The following NCKAP1 variants were observed in gnomAD, a reference collection of about 807,000 sequenced individuals.
The protein encoded by NCKAP1 is nck-associated protein 1.
Under a neutral mutation model 151.2 loss-of-function variants are expected in NCKAP1, and 21 were observed. The ratio of observed to expected loss-of-function variants is 0.14; its 90% CI spans 0.10 to 0.20. The LOEUF (loss-of-function observed/expected upper bound fraction) is 0.20. NCKAP1 is among the 10% of genes least tolerant of loss of function. NCKAP1 has a pLI of 1.00. For synonymous variants in NCKAP1, 484 were observed against 451.8 expected (o/e 1.07, Z -0.90); for missense variants, 933 against 1,352.1 (o/e 0.69, Z 4.86).
At chr2:182,951,018 A>T (rs1213569296) in intron 23 of NCKAP1, among the ~76,000 whole-genome samples, 1 of 151,874 alleles carries the variant, frequency 6.6e-6, no homozygotes, top group African/African-American at 2.4e-5. Flanking sequence ...TTTTCAGTAG[A>T]GGGGGGATTT....
At chr2:183,007,937 T>C (rs74953433) in intron 2 of NCKAP1, among the ~76,000 whole-genome samples, 8,267 of 152,268 alleles carry the variant, frequency 0.054, 299 homozygotes, top group Non-Finnish European at 0.08. Context: ...TTGTTTTCTT[T>C]TTTTTTGAGA....
chr2:182,925,650 G>C lies in NCKAP1; in HGVS notation c.*52C>G, dbSNP rs543171066. Reference sequence around the variant, plus strand: ...AGGTAAAATAGTTCCACAGTCTACAGGTAAAACCAAGGCAACAAAAATGCG... The same window carrying C: ...AGGTAAAATAGTTCCACAGTCTACACGTAAAACCAAGGCAACAAAAATGCG... On this transcript the variant is annotated 3_prime_UTR_variant, in exon 31 of 31. Coordinates refer to ENST00000361354, the MANE Select transcript of NCKAP1 (RefSeq NM_013436.5). 7.4e-6 allele frequency: 8 copies of C among 1,085,678 alleles called. No homozygotes were observed. Among genetic ancestry groups the C allele is most frequent in the East Asian group, 2.6e-5 (1 of 37,944 alleles). The allele number at this position is 1,085,678 out of a possible 1,614,324, so 67.3% of individuals were successfully genotyped here.
At chr2:182,984,007 G>C (rs993283092) in intron 10 of NCKAP1, among the ~76,000 whole-genome samples, 1 of 151,338 alleles carries the variant, frequency 6.6e-6, no homozygotes, top group Non-Finnish European at 1.5e-5. Flanking sequence ...CTCCAGCCTG[G>C]GTGACAGAGC....
At chr2:182,927,388 TC>T (rs1696669764) in intron 29 of NCKAP1, 1 of 152,262 alleles carries the variant, frequency 6.6e-6, no homozygotes, top group African/African-American at 2.4e-5. Flanking sequence ...GAAGTTATTT[TC>T]TCCTCAAGTT....
At chr2:182,954,452 G>A (rs1051825029) in intron 20 of NCKAP1, among the ~76,000 whole-genome samples, 13 of 152,026 alleles carry the variant, frequency 8.6e-5, no homozygotes, top group African/African-American at 1.9e-4. Flanking sequence ...AAAGACAACC[G>A]ACAAATCCCA....
chr2:183,030,830 T>C (rs1233534733), intron 1 of NCKAP1, among the ~76,000 whole-genome samples: 5 of 152,300 alleles, frequency 3.3e-5, no homozygotes, highest in Non-Finnish European at 7.4e-5. Context: ...AAATTGTCCA[T>C]AAGTACTGGA....
intron 1 of NCKAP1, chr2:183,025,091 G>T: frequency 9.2e-7 from 1 of 1,084,344 alleles, no homozygotes; most frequent in South Asian, 1.4e-5. Context: ...ATGCACTGCA[G>T]ACTATGAATA....
At chr2:182,955,021 A>C (rs1697296275) in intron 20 of NCKAP1, among the ~76,000 whole-genome samples, 1 of 152,132 alleles carries the variant, frequency 6.6e-6, no homozygotes, top group East Asian at 1.9e-4. Context: ...AAACACCACA[A>C]GGCACAATGC....
intron 15 of NCKAP1, among the ~76,000 whole-genome samples, chr2:182,971,218 C>T (rs1014408791): frequency 1.3e-5 from 2 of 150,948 alleles, no homozygotes; most frequent in African/African-American, 4.9e-5. Context: ...AACGGTGAAA[C>T]CCCGTCTCTA....
intron 15 of NCKAP1, among the ~76,000 whole-genome samples, 197 bp downstream of exon 15, chr2:182,976,696 C>G (rs1177183926): frequency 6.6e-6 from 1 of 151,878 alleles, no homozygotes; most frequent in South Asian, 2.1e-4. Flanking sequence ...ATAATCTATT[C>G]AAAAACTCAT....
chr2:183,019,258 A>C (rs1422355180), intron 2 of NCKAP1, among the ~76,000 whole-genome samples: 1 of 152,216 alleles, frequency 6.6e-6, no homozygotes. Context: ...CAATAGGCTA[A>C]TTCCATAATA....
chr2:183,024,242 A>G (rs913368772), intron 1 of NCKAP1, among the ~76,000 whole-genome samples: 1 of 152,170 alleles, frequency 6.6e-6, no homozygotes, highest in Non-Finnish European at 1.5e-5. Context: ...AAGCTAATAA[A>G]ATATTACAAA....
intron 6 of NCKAP1, among the ~76,000 whole-genome samples, chr2:182,998,452 T>C (rs1016977111): frequency 6.6e-6 from 1 of 152,152 alleles, no homozygotes; most frequent in African/African-American, 2.4e-5. Flanking sequence ...TAAATGACTT[T>C]GGCAAAGTCT....
chr2:182,945,602 T>A (rs1209495364), intron 23 of NCKAP1, among the ~76,000 whole-genome samples: 1 of 152,218 alleles, frequency 6.6e-6, no homozygotes, highest in Non-Finnish European at 1.5e-5. Context: ...AAAAAATTAA[T>A]GTTCATATTC....
chr2:182,928,132 A>G lies in NCKAP1; in HGVS notation c.3165T>C (p.Leu1055=), dbSNP rs180899170. The G allele has an allele frequency of 2.7e-4, 438 of 1,605,938 alleles. 5 individuals are homozygous for G. The East Asian group carries it at 8.6e-3, about 32-fold the overall frequency. The change falls in exon 29 of 31, where the codon CTT becomes CTC. Residue 1055 remains leucine (L), a synonymous_variant. Transcript: ENST00000361354. ...TIHKGSIEDR[L]KEFLALASSS... is the part of the protein sequence containing the mutation. The stretch of plus-strand genomic sequence containing the variant: ...TTATACATACCGCCAGAAATTCTTT[A>G]AGACGGTCTTCAATGCTTCCTTTGT...
rs1696619219 is a variant in NCKAP1 at position 182,925,279 on chromosome 2, C to A, written c.*423G>T. ...AGAAATGCACATCCAATGTTGTTTT[C>A]AATAAGAACCATAGGTACAGATCAG... On this transcript the variant is annotated 3_prime_UTR_variant, in exon 31 of 31. Transcript: ENST00000361354. 1 of 152,078 alleles carries A rather than the reference C, an allele frequency of 6.6e-6. No homozygotes were observed. The allele number at this position is 152,078 out of a possible 1,614,324, so 9.4% of individuals were successfully genotyped here. A position where few individuals can be genotyped will look rare whatever the true frequency, so the allele number is the denominator to read the frequency against.
intron 26 of NCKAP1, among the ~76,000 whole-genome samples, chr2:182,933,314 A>T (rs1250030079): frequency 1.3e-5 from 2 of 152,076 alleles, no homozygotes; most frequent in African/African-American, 4.8e-5. Flanking sequence ...AAAGAGGGAC[A>T]GAGTAAGAAA....
chr2:183,002,809 A>G (rs1575059041), intron 4 of NCKAP1, among the ~76,000 whole-genome samples, 165 bp downstream of exon 4: 1 of 152,094 alleles, frequency 6.6e-6, no homozygotes, highest in Non-Finnish European at 1.5e-5. Flanking sequence ...AAAACAAATA[A>G]AAAGAATACA....
In NCKAP1 at chr2:183,003,048, T is replaced by C. The variant is rs1698403459; in HGVS notation, c.313-18A>G. 6.3e-7 allele frequency: 1 copy of C among 1,589,462 alleles called. No homozygotes were observed. The highest frequency in any genetic ancestry group is 8.6e-7 in the Non-Finnish European group (1 of 1,160,802). ...ACATGGTCCTGAAAAGAAATACTTA[T>C]TTTAATCTTTTATCTGTATAAATCT... On this transcript the variant is annotated intron_variant, in intron 3 of 30. Coordinates refer to ENST00000361354, the MANE Select transcript of NCKAP1 (RefSeq NM_013436.5).
Sources: allele counts gnomAD v4.1 joint callset (sites outside exome capture counted in the v4.1 genomes callset), GRCh38; gene constraint gnomAD v4.1.1; transcripts MANE v1.5; gene names NCBI Gene and HGNC (gene_info 2026-07-23, HGNC 2026-07-21).